The following PLCB1 variants were observed in gnomAD, a reference collection of about 807,000 sequenced individuals.
PLCB1 encodes the protein 1-phosphatidylinositol 4,5-bisphosphate phosphodiesterase beta-1.
PLCB1 carries 46 observed loss-of-function variants against 161.8 expected under a neutral mutation model. That is an observed-to-expected ratio of 0.28 (90% CI 0.22 to 0.36). The LOEUF is 0.36. Ranked by LOEUF, PLCB1 falls within the 10% of genes least tolerant of loss-of-function variation. The pLI is 1.00. For missense variants in PLCB1, 1,016 were observed against 1,472.5 expected, an observed-to-expected ratio of 0.69 and a Z score of 5.07; for synonymous variants, 517 against 503.7, an observed-to-expected ratio of 1.03 and a Z score of -0.35.
intron 23 of PLCB1, chr20:8,750,847 C>A: frequency 1.5e-6 from 2 of 1,365,156 alleles, no homozygotes; most frequent in Middle Eastern, 2.1e-4. Context: ...ACCCGTAATA[C>A]GCTGGAAAAA....
At position 8,832,498 on chromosome 20, in the gene PLCB1, T is replaced by C. The variant is rs934372777; in HGVS notation, c.3423+42237T>C. Among the ~76,000 whole-genome samples, 3 of 152,358 alleles carry C rather than the reference T, an allele frequency of 2.0e-5. No individual in the cohort carries two copies. In the East Asian group the frequency reaches 5.8e-4, roughly 29 times the overall value. The stretch of plus-strand genomic sequence containing the variant: ...CAGCCAGAAATTCTGAACTTGGATC[T>C]CTTCGCATGTCCTTGTTCTGCTTAA... On this transcript the variant is annotated intron_variant, in intron 31 of 31. Transcript: ENST00000338037.
chr20:8,524,673 G>C (rs1984509712), intron 3 of PLCB1, among the ~76,000 whole-genome samples: 1 of 152,174 alleles, frequency 6.6e-6, no homozygotes, highest in Non-Finnish European at 1.5e-5. Flanking sequence ...AAACTGCAGG[G>C]TCTCCTTAAA....
intron 9 of PLCB1, 60 bp downstream of exon 9, chr20:8,658,764 G>T (rs932790928): frequency 1.6e-5 from 22 of 1,405,616 alleles, no homozygotes; most frequent in African/African-American, 4.4e-5. Flanking sequence ...GTAGTCACAC[G>T]CTGGGAGTTA....
At chr20:8,440,779 T>G (rs1980524565) in intron 3 of PLCB1, among the ~76,000 whole-genome samples, 1 of 152,086 alleles carries the variant, frequency 6.6e-6, no homozygotes, top group African/African-American at 2.4e-5. Context: ...TAGTATCAGA[T>G]AGCTAGAAGG....
At chr20:8,775,564 A>T (rs1028738017) in intron 27 of PLCB1, among the ~76,000 whole-genome samples, 1 of 152,180 alleles carries the variant, frequency 6.6e-6, no homozygotes, top group African/African-American at 2.4e-5. Flanking sequence ...AAGCCTATAG[A>T]TGATTTAGCC....
At chr20:8,278,990 C>CAA in intron 2 of PLCB1, among the ~76,000 whole-genome samples, 1 of 148,982 alleles carries the variant, frequency 6.7e-6, no homozygotes, top group African/African-American at 2.5e-5. Context: ...AAAAAAAAAA[C>CAA]AAAACAGAAA....
intron 2 of PLCB1, among the ~76,000 whole-genome samples, chr20:8,223,890 T>C (rs1979542254): frequency 6.6e-6 from 1 of 152,204 alleles, no homozygotes; most frequent in Non-Finnish European, 1.5e-5. Context: ...GCTTGGCGTC[T>C]AGCAATTATG....
intron 3 of PLCB1, among the ~76,000 whole-genome samples, chr20:8,519,501 A>G (rs1984265386): frequency 6.6e-6 from 1 of 152,168 alleles, no homozygotes; most frequent in Non-Finnish European, 1.5e-5. Context: ...AGCCCTCTTC[A>G]TCCTGCCTGC....
At chr20:8,541,402 G>A (rs959430688) in intron 3 of PLCB1, among the ~76,000 whole-genome samples, 1 of 152,166 alleles carries the variant, frequency 6.6e-6, no homozygotes. Flanking sequence ...AAGAGGAGTT[G>A]TCAATCTCCA....
chr20:8,694,619 T>C (rs1275374593), intron 10 of PLCB1, among the ~76,000 whole-genome samples: 1 of 152,242 alleles, frequency 6.6e-6, no homozygotes, highest in African/African-American at 2.4e-5. Context: ...TACAGAATGC[T>C]CTAGTGTCTG....
intron 3 of PLCB1, among the ~76,000 whole-genome samples, chr20:8,397,079 T>C (rs1987789754): frequency 6.6e-6 from 1 of 152,090 alleles, no homozygotes; most frequent in South Asian, 2.1e-4. Context: ...CACAGGTTTC[T>C]TCCTCATTTC....
intron 3 of PLCB1, among the ~76,000 whole-genome samples, chr20:8,584,990 T>C (rs1986945975): frequency 6.6e-6 from 1 of 151,990 alleles, no homozygotes; most frequent in South Asian, 2.1e-4. Flanking sequence ...CGCCTGGCCC[T>C]CAAGATTCTC....
At chr20:8,504,794 A>G (rs768002481) in intron 3 of PLCB1, among the ~76,000 whole-genome samples, 8 of 152,188 alleles carry the variant, frequency 5.3e-5, no homozygotes, top group Non-Finnish European at 1.0e-4. Context: ...GAAATGTCTA[A>G]TATTACCAAT....
chr20:8,782,394 T>C lies in PLCB1; in HGVS notation c.3112-6055T>C, dbSNP rs1286836817. ...ATAAACATCTTCCTTGTTTTTGCTT[T>C]TGTTTTTGTTTTTTTAGAGACCAAG... On this transcript the variant is annotated intron_variant, in intron 27 of 31. Coordinates refer to ENST00000338037, the MANE Select transcript of PLCB1 (RefSeq NM_015192.4). Among the ~76,000 whole-genome samples the C allele has an allele frequency of 2.0e-5, 3 of 152,128 alleles. No individual in the cohort carries two copies. In the East Asian group the frequency reaches 5.8e-4, roughly 29 times the overall value.
At chr20:8,699,829 G>A (rs1990659744) in intron 11 of PLCB1, among the ~76,000 whole-genome samples, 1 of 152,180 alleles carries the variant, frequency 6.6e-6, no homozygotes, top group Non-Finnish European at 1.5e-5. Flanking sequence ...AATAATTAGA[G>A]AAAATAGCAC....
At chr20:8,619,992 T>C (rs150193140) in intron 3 of PLCB1, among the ~76,000 whole-genome samples, 1 of 152,266 alleles carries the variant, frequency 6.6e-6, no homozygotes, top group East Asian at 1.9e-4. Flanking sequence ...TGTAGAACTT[T>C]TCAGTGTCTG....
chr20:8,437,758 G>A (rs1311201173), intron 3 of PLCB1, among the ~76,000 whole-genome samples: 1 of 152,120 alleles, frequency 6.6e-6, no homozygotes, highest in Non-Finnish European at 1.5e-5. Context: ...TTTTACTGGG[G>A]CTCTGGGAAC....
At chr20:8,470,957 A>C (rs1982027354) in intron 3 of PLCB1, among the ~76,000 whole-genome samples, 1 of 152,182 alleles carries the variant, frequency 6.6e-6, no homozygotes, top group African/African-American at 2.4e-5. Context: ...ATTACTAAAC[A>C]AATTGCAATG....
chr20:8,681,115 T>TATAA (rs1555782803), intron 9 of PLCB1, among the ~76,000 whole-genome samples: 10 of 103,902 alleles, frequency 9.6e-5, no homozygotes, highest in Admixed American at 1.8e-4. Context: ...TATATATATA[T>TATAA]ATATAATATA....
Sources: gnomAD v4.1 joint callset for allele counts (sites outside exome capture counted in the v4.1 genomes callset) on GRCh38, gnomAD v4.1.1 for gene constraint, MANE v1.5 for transcripts, NCBI Gene and HGNC (gene_info 2026-07-23, HGNC 2026-07-21) for gene names.